The following CBFA2T3 variants were observed in gnomAD, a reference collection of about 807,000 sequenced individuals.
CBFA2T3 encodes the protein transcriptional corepressor CBFA2T3.
A neutral mutation model predicts 58.6 loss-of-function variants in CBFA2T3; 31 were observed. The ratio of observed to expected loss-of-function variants is 0.53; its 90% confidence interval spans 0.40 to 0.71. The LOEUF is 0.71. CBFA2T3 is among the 30% of genes least tolerant of loss of function. The pLI is 0.00. For missense variants in CBFA2T3, 1,076 were observed against 963.1 expected (o/e 1.12, Z -1.55); for synonymous variants, 531 against 421.9 (o/e 1.26, Z -3.17).
At chr16:88,899,905 T>C (rs898622455) in intron 2 of CBFA2T3, among the ~76,000 whole-genome samples, 3 of 152,038 alleles carry the variant, frequency 2.0e-5, no homozygotes, top group Non-Finnish European at 2.9e-5. Context: ...GTGGGCTCGG[T>C]GTGGTCGCAA....
At chr16:88,887,698 G>A (rs921442337) in intron 5 of CBFA2T3, among the ~76,000 whole-genome samples, 1 of 152,148 alleles carries the variant, frequency 6.6e-6, no homozygotes, top group Admixed American at 6.5e-5. Context: ...TCAAGGCAGT[G>A]TCCCCACTCT....
intron 1 of CBFA2T3, among the ~76,000 whole-genome samples, chr16:88,928,355 G>T (rs1016430922): frequency 2.0e-5 from 3 of 152,240 alleles, no homozygotes; most frequent in African/African-American, 7.2e-5. Flanking sequence ...GAGCGGGCCC[G>T]GTCTGTGAGG....
chr16:88,921,669 T>C (rs1188705215), intron 1 of CBFA2T3, among the ~76,000 whole-genome samples: 3 of 152,146 alleles, frequency 2.0e-5, no homozygotes, highest in African/African-American at 7.2e-5. Context: ...GCTGGGGTGG[T>C]AGGAGGATAA....
In CBFA2T3 at chr16:88,960,963, C is replaced by A. The variant is rs148518861; in HGVS notation, c.151+15694G>T. Among the ~76,000 whole-genome samples the A allele has an allele frequency of 2.9e-3, 440 of 152,314 alleles. 4 individuals carry two copies. The highest frequency in any genetic ancestry group is 0.022 in the East Asian group (115 of 5,190). On this transcript the variant is annotated intron_variant, in intron 1 of 11. Coordinates refer to ENST00000268679, the MANE Select transcript of CBFA2T3 (RefSeq NM_005187.6). ...CATGTCCCAGGCAATATTTGAGATA[C>A]GCTTACGATTTAAAAATTTGTTTAT...
chr16:88,875,956 C>T lies in CBFA2T3; in HGVS notation c.*1020G>A, dbSNP rs532269471. 11 of 233,206 alleles carry T rather than the reference C, an allele frequency of 4.7e-5. No homozygotes were observed. The highest frequency in any genetic ancestry group is 1.1e-4 in the African/African-American group (5 of 45,424). 14.4% of individuals were successfully genotyped at this position (233,206 alleles called of 1,614,324 possible). The stretch of plus-strand genomic sequence containing the variant: ...CACGCGGCGGACGCACCAACGCCTA[C>T]GCAGAAGAGAACAAAAGTCGCTTCT... On this transcript the variant is annotated 3_prime_UTR_variant, in exon 12 of 12. Coordinates refer to ENST00000268679, the MANE Select transcript of CBFA2T3 (RefSeq NM_005187.6).
chr16:88,894,488 TACACACATGC>T (rs1369940562), intron 3 of CBFA2T3, among the ~76,000 whole-genome samples: 9 of 119,094 alleles, frequency 7.6e-5, no homozygotes, highest in Admixed American at 2.4e-4. Flanking sequence ...GCACACAATG[TACACACATGC>T]ACACACACAT....
At chr16:88,947,564 T>C (rs1182770505) in intron 1 of CBFA2T3, among the ~76,000 whole-genome samples, 1 of 152,236 alleles carries the variant, frequency 6.6e-6, no homozygotes, top group Non-Finnish European at 1.5e-5. Context: ...TAATTATTGG[T>C]AGTATACAAC....
At chr16:88,883,685 G>A (rs1315575371) in intron 7 of CBFA2T3, 2 of 151,094 alleles carry the variant, frequency 1.3e-5, no homozygotes, top group Non-Finnish European at 2.9e-5. Context: ...GGAGACGTGA[G>A]TGACCCCGGC....
intron 1 of CBFA2T3, among the ~76,000 whole-genome samples, chr16:88,971,094 G>A (rs533064151): frequency 4.7e-4 from 71 of 152,200 alleles, no homozygotes; most frequent in African/African-American, 1.5e-3. Context: ...TGTGGCTGAC[G>A]TGTTTTCATC....
chr16:88,877,385 A>G, intron 11 of CBFA2T3, 110 bp from the exon 12 acceptor site: 1 of 875,274 alleles, frequency 1.1e-6, no homozygotes, highest in Non-Finnish European at 1.7e-6. Flanking sequence ...AGGTGAGAAG[A>G]GAGAAACTCC....
chr16:88,906,688 C>G (rs1236547234), intron 1 of CBFA2T3, among the ~76,000 whole-genome samples: 2 of 152,232 alleles, frequency 1.3e-5, no homozygotes, highest in African/African-American at 2.4e-5. Flanking sequence ...GCACCGTCTA[C>G]CCGCTGCCCC....
intron 5 of CBFA2T3, among the ~76,000 whole-genome samples, chr16:88,888,409 G>A (rs1012446252): frequency 3.4e-5 from 4 of 118,848 alleles, no homozygotes; most frequent in Non-Finnish European, 6.9e-5. Flanking sequence ...TCTGGCCTGG[G>A]AAGGTCGGAC....
chr16:88,974,868 C>T (rs925339038), intron 1 of CBFA2T3, among the ~76,000 whole-genome samples: 3 of 152,130 alleles, frequency 2.0e-5, no homozygotes, highest in Admixed American at 2.0e-4. Flanking sequence ...CCTTGGGAGG[C>T]CCCTGGGGTA....
intron 1 of CBFA2T3, among the ~76,000 whole-genome samples, chr16:88,906,065 G>A (rs1029173729): frequency 1.3e-5 from 2 of 151,296 alleles, no homozygotes; most frequent in South Asian, 2.1e-4. Context: ...GTGCGCAGCA[G>A]GGGGGTCCAG....
chr16:88,929,694 G>A (rs111775994), intron 1 of CBFA2T3, among the ~76,000 whole-genome samples: 1,454 of 64,142 alleles, frequency 0.023, 9 homozygotes, highest in African/African-American at 0.05. Context: ...CCACAGCTGC[G>A]TGGTCCACGC....
At chr16:88,911,910 GCT>G (rs1034671488) in intron 1 of CBFA2T3, among the ~76,000 whole-genome samples, 3 of 152,256 alleles carry the variant, frequency 2.0e-5, no homozygotes, top group African/African-American at 7.2e-5. Flanking sequence ...TGTGGGGGAA[GCT>G]CTGTTGCCCA....
chr16:88,914,291 G>A (rs1970619897), intron 1 of CBFA2T3, among the ~76,000 whole-genome samples: 1 of 152,210 alleles, frequency 6.6e-6, no homozygotes, highest in East Asian at 1.9e-4. Flanking sequence ...TGACCAGAGG[G>A]GGATCGGAGG....
At chr16:88,894,076 A>AGGGTACCAACTCC (rs1451963576) in intron 3 of CBFA2T3, among the ~76,000 whole-genome samples, 1 of 152,138 alleles carries the variant, frequency 6.6e-6, no homozygotes, top group Non-Finnish European at 1.5e-5. Context: ...CTCCCTACAA[A>AGGGTACCAACTCC]GGGTACCAAC....
chr16:88,927,868 G>A (rs1447664106), intron 1 of CBFA2T3, among the ~76,000 whole-genome samples: 1 of 152,192 alleles, frequency 6.6e-6, no homozygotes, highest in Non-Finnish European at 1.5e-5. Flanking sequence ...GGGCCACGAT[G>A]GAAAGGCGCC....
Sources: allele counts gnomAD v4.1 joint callset (sites outside exome capture counted in the v4.1 genomes callset), GRCh38; gene constraint gnomAD v4.1.1; transcripts MANE v1.5; gene names NCBI Gene and HGNC (gene_info 2026-07-23, HGNC 2026-07-21).